SPECC1: variants seen among roughly 807,000 people sequenced by gnomAD.
The protein encoded by SPECC1 is sperm antigen with calponin homology and coiled-coil domains 1.
A neutral mutation model predicts 104.1 loss-of-function variants in SPECC1; 62 were observed. That is an observed-to-expected ratio of 0.60 (90% CI 0.49 to 0.74). The LOEUF is 0.74. SPECC1 is among the 30% of genes least tolerant of loss of function. The pLI, the probability that SPECC1 is intolerant of heterozygous loss-of-function variation, is 0.00. For missense variants in SPECC1, 1,306 were observed against 1,310.5 expected (o/e 1.00, Z 0.05); for synonymous variants, 513 against 501.6 (o/e 1.02, Z -0.30).
intron 3 of SPECC1, among the ~76,000 whole-genome samples, chr17:20,162,509 C>T (rs2033261480): frequency 6.6e-6 from 1 of 152,110 alleles, no homozygotes; most frequent in African/African-American, 2.4e-5. Context: ...GTAATATAAC[C>T]TACATTGTAG....
chr17:20,054,097 C>A (rs1038811620), intron 1 of SPECC1, among the ~76,000 whole-genome samples: 3 of 152,222 alleles, frequency 2.0e-5, no homozygotes, highest in Non-Finnish European at 2.9e-5. Context: ...ATCATCTAGA[C>A]TGTTTCAGTT....
chr17:20,301,414 T>C (rs571200730), intron 13 of SPECC1, among the ~76,000 whole-genome samples: 1 of 152,048 alleles, frequency 6.6e-6, no homozygotes, highest in African/African-American at 2.4e-5. Flanking sequence ...AGGGCATTTT[T>C]TTTTTTTTTT....
At chr17:20,105,134 G>A (rs1467169508) in intron 2 of SPECC1, among the ~76,000 whole-genome samples, 1 of 151,498 alleles carries the variant, frequency 6.6e-6, no homozygotes, top group Non-Finnish European at 1.5e-5. Flanking sequence ...GTTTTGCTCT[G>A]TTGCCCATAC....
chr17:20,110,354 G>T, intron 2 of SPECC1, 73 bp from the exon 3 acceptor site: 2 of 1,515,240 alleles, frequency 1.3e-6, no homozygotes, highest in Non-Finnish European at 1.8e-6. Context: ...CAGCTCCCAT[G>T]CTCTGCTTGT....
At chr17:20,194,504 T>TATTATTA (rs1323092323) in intron 3 of SPECC1, among the ~76,000 whole-genome samples, 2 of 107,710 alleles carry the variant, frequency 1.9e-5, no homozygotes, top group Admixed American at 9.4e-5. Context: ...GAGAACGAAT[T>TATTATTA]TTTTTTTTTT....
chr17:20,100,175 G>A (rs770939542), intron 2 of SPECC1, among the ~76,000 whole-genome samples: 5 of 152,030 alleles, frequency 3.3e-5, no homozygotes, highest in African/African-American at 7.3e-5. Context: ...TCTCCTTCCC[G>A]ATTCCTGTCC....
intron 12 of SPECC1, among the ~76,000 whole-genome samples, chr17:20,284,482 A>G (rs1008121958): frequency 1.3e-5 from 2 of 152,256 alleles, no homozygotes; most frequent in Admixed American, 1.3e-4. Context: ...CAGAGGTACT[A>G]AAACTGGATG....
At position 20,125,787 on chromosome 17, in the gene SPECC1, G is replaced by A. The variant is rs189467408; in HGVS notation, c.283+15225G>A. Among the ~76,000 whole-genome samples, 3 of 152,304 alleles carry A rather than the reference G, an allele frequency of 2.0e-5. No individual in the cohort carries two copies. In the East Asian group the frequency reaches 5.8e-4, roughly 29 times the overall value. The stretch of plus-strand genomic sequence containing the variant: ...CATCATACATGGATGGACCAGACTG[G>A]CTTTCAGCTTCTGGTGGTGTCTGAG... On this transcript the variant is annotated intron_variant, in intron 3 of 14. Transcript: ENST00000395527.
intron 1 of SPECC1, among the ~76,000 whole-genome samples, chr17:20,033,088 C>T (rs1175677785): frequency 5.3e-5 from 8 of 151,882 alleles, no homozygotes; most frequent in East Asian, 1.9e-4. Context: ...CTCAGCCTCC[C>T]GAGTAGCTGG....
At chr17:20,246,964 G>C (rs1032436296) in intron 8 of SPECC1, among the ~76,000 whole-genome samples, 1 of 152,070 alleles carries the variant, frequency 6.6e-6, no homozygotes, top group Non-Finnish European at 1.5e-5. Context: ...TCCTTCTCTA[G>C]GCATCTCATT....
chr17:20,080,331 G>A (rs910384532), intron 1 of SPECC1, among the ~76,000 whole-genome samples: 1 of 152,132 alleles, frequency 6.6e-6, no homozygotes, highest in African/African-American at 2.4e-5. Flanking sequence ...GGACACTGTA[G>A]GAAAGAGATG....
chr17:20,180,911 C>T (rs2034837952), intron 3 of SPECC1, among the ~76,000 whole-genome samples: 1 of 151,978 alleles, frequency 6.6e-6, no homozygotes, highest in African/African-American at 2.4e-5. Context: ...TTGATCATGT[C>T]ATTTATCACA....
At chr17:20,132,585 A>T (rs529716689) in intron 3 of SPECC1, among the ~76,000 whole-genome samples, 1 of 150,398 alleles carries the variant, frequency 6.6e-6, no homozygotes, top group African/African-American at 2.4e-5. Context: ...GGGTGAGTTT[A>T]AAAAAATTTC....
chr17:20,199,297 G>A (rs1275474133), intron 3 of SPECC1, among the ~76,000 whole-genome samples: 3 of 150,996 alleles, frequency 2.0e-5, no homozygotes, highest in African/African-American at 4.9e-5. Context: ...ATGTTGGCCA[G>A]GCTGGTCTTG....
intron 3 of SPECC1, among the ~76,000 whole-genome samples, chr17:20,157,351 G>T (rs2032684366): frequency 6.6e-6 from 1 of 152,046 alleles, no homozygotes; most frequent in African/African-American, 2.4e-5. Context: ...ATACTATGAA[G>T]AAAAATTTCA....
chr17:20,111,706 C>A (rs1272127523), intron 3 of SPECC1: 1 of 611,754 alleles, frequency 1.6e-6, no homozygotes, highest in Admixed American at 2.5e-5. Flanking sequence ...AGGAAGGTGG[C>A]GAAAGGAGGC....
At chr17:20,074,783 C>T (rs2046691708) in intron 1 of SPECC1, among the ~76,000 whole-genome samples, 1 of 152,126 alleles carries the variant, frequency 6.6e-6, no homozygotes, top group Non-Finnish European at 1.5e-5. Context: ...AACAGAGGAG[C>T]CCCCAAGGCA....
At chr17:20,075,893 G>A (rs2046741776) in intron 1 of SPECC1, among the ~76,000 whole-genome samples, 1 of 152,180 alleles carries the variant, frequency 6.6e-6, no homozygotes, top group East Asian at 1.9e-4. Context: ...GCTACAGTGA[G>A]CTGTGATCAT....
intron 12 of SPECC1, among the ~76,000 whole-genome samples, chr17:20,265,567 CT>C (rs1214944108): frequency 1.3e-5 from 2 of 152,086 alleles, no homozygotes; most frequent in Admixed American, 6.5e-5. Flanking sequence ...TTGATAGCTT[CT>C]TTTGCTGTGA....
Sources: gnomAD v4.1 joint callset for allele counts (sites outside exome capture counted in the v4.1 genomes callset) on GRCh38, gnomAD v4.1.1 for gene constraint, MANE v1.5 for transcripts, NCBI Gene and HGNC (gene_info 2026-07-23, HGNC 2026-07-21) for gene names.